NR2C2: variants seen among roughly 807,000 people sequenced by gnomAD.
NR2C2 encodes Nuclear hormone receptor TR4.
Under a neutral mutation model 62.9 loss-of-function variants are expected in NR2C2, and 6 were observed. The observed-to-expected ratio is 0.10, with a 90% CI of 0.05 to 0.19. The LOEUF (loss-of-function observed/expected upper bound fraction) is 0.19, where lower values mean the gene tolerates loss of function less well. NR2C2 is among the 10% of genes least tolerant of loss of function. NR2C2 has a pLI of 1.00. For missense variants in NR2C2, 479 were observed against 762.7 expected (o/e 0.63, Z 4.38); for synonymous variants, 272 against 273.8 (o/e 0.99, Z 0.07).
At chr3:15,030,241 T>G in intron 8 of NR2C2, 34 bp from the exon 9 acceptor site, 1 of 1,576,142 alleles carries the variant, frequency 6.3e-7, no homozygotes, top group East Asian at 2.3e-5. Flanking sequence ...AGCTGTAGAT[T>G]CACAACAATT....
intron 1 of NR2C2, among the ~76,000 whole-genome samples, chr3:14,950,639 A>C (rs2039327396): frequency 6.8e-6 from 1 of 147,244 alleles, no homozygotes; most frequent in African/African-American, 2.5e-5. Context: ...TTTTCTTTAT[A>C]ATCTTTATCT....
At chr3:15,024,759 CTGTT>C (rs1375319350) in intron 7 of NR2C2, among the ~76,000 whole-genome samples, 4 of 152,220 alleles carry the variant, frequency 2.6e-5, no homozygotes, top group Non-Finnish European at 4.4e-5. Context: ...AGGGAACTCA[CTGTT>C]TGTCTCATCC....
At chr3:14,953,621 C>T (rs375208635) in intron 1 of NR2C2, among the ~76,000 whole-genome samples, 16 of 152,264 alleles carry the variant, frequency 1.1e-4, no homozygotes, top group African/African-American at 1.7e-4. Context: ...TATGGCCAGG[C>T]GTGGTGGCTC....
chr3:14,975,000 A>G (rs540256999), intron 1 of NR2C2, among the ~76,000 whole-genome samples: 4 of 152,202 alleles, frequency 2.6e-5, no homozygotes, highest in South Asian at 4.1e-4. Context: ...TTTTTATGGT[A>G]TTGTAAGTGG....
intron 4 of NR2C2, among the ~76,000 whole-genome samples, chr3:15,017,805 G>A (rs186916796): frequency 6.6e-6 from 1 of 152,346 alleles, no homozygotes; most frequent in Admixed American, 6.5e-5. Context: ...CTAGAGCTTA[G>A]AACAGTGGGA....
intron 1 of NR2C2, among the ~76,000 whole-genome samples, chr3:14,973,762 T>G (rs537179627): frequency 8.5e-5 from 13 of 152,266 alleles, no homozygotes; most frequent in South Asian, 4.1e-4. Flanking sequence ...TTTCTGGCTC[T>G]CTCTCCTTTT....
At chr3:15,005,791 T>C (rs1031175719) in intron 2 of NR2C2, among the ~76,000 whole-genome samples, 1 of 152,164 alleles carries the variant, frequency 6.6e-6, no homozygotes, top group African/African-American at 2.4e-5. Flanking sequence ...CCCATTTTTT[T>C]CCTACTTCCT....
At chr3:15,013,342 G>A (rs2041409153) in intron 2 of NR2C2, among the ~76,000 whole-genome samples, 1 of 152,180 alleles carries the variant, frequency 6.6e-6, no homozygotes, top group South Asian at 2.1e-4. Context: ...AAAAGAAAGG[G>A]CATTTTAATT....
intron 13 of NR2C2, among the ~76,000 whole-genome samples, chr3:15,039,674 GTACT>G (rs2042199450): frequency 6.6e-6 from 1 of 152,164 alleles, no homozygotes; most frequent in African/African-American, 2.4e-5. Context: ...CAGTGCTAGA[GTACT>G]TGACAGAAAA....
chr3:14,984,290 G>C (rs979891461), intron 1 of NR2C2, among the ~76,000 whole-genome samples: 1 of 152,134 alleles, frequency 6.6e-6, no homozygotes, highest in African/African-American at 2.4e-5. Context: ...ATTTTCACCA[G>C]AGTTGTTTTA....
In NR2C2 at chr3:15,020,808, T is replaced by C; in HGVS notation, c.432T>C (p.Ser144=). The C allele has an allele frequency of 6.2e-7, 1 of 1,613,868 alleles. No individual in the cohort carries two copies. ...CEGCKGFFKR[S]VRKNLTYSCR... ...GTTGCAAAGGTTTCTTCAAAAGGAG[T>C]GTGAGGAAAAATTTGACCTACAGCT... Residue 144 remains serine (S), a synonymous_variant, in exon 5 of 14, where the codon AGT becomes AGC. Coordinates refer to ENST00000425241, the MANE Select transcript of NR2C2 (RefSeq NM_001291694.2).
chr3:14,973,826 G>A (rs9942108), intron 1 of NR2C2, among the ~76,000 whole-genome samples: 11,285 of 151,774 alleles, frequency 0.074, 448 homozygotes, highest in Middle Eastern at 0.099. Context: ...TCTCTTAACC[G>A]TTTTTAAGTA....
chr3:15,016,099 G>T, intron 3 of NR2C2, 53 bp from the exon 4 acceptor site: 1 of 1,388,026 alleles, frequency 7.2e-7, no homozygotes, highest in Non-Finnish European at 1.0e-6. Flanking sequence ...ACCGTGCCCG[G>T]CAGTGATTTG....
At position 14,976,198 on chromosome 3, in the gene NR2C2, T is replaced by C. The variant is rs185365198; in HGVS notation, c.-39-27678T>C. 8.6e-4 allele frequency among the ~76,000 whole-genome samples: 131 copies of C among 152,346 alleles called. 2 individuals carry two copies. Among genetic ancestry groups the C allele is most frequent in the African/African-American group, 3.1e-3 (127 of 41,576 alleles). On this transcript the variant is annotated intron_variant, in intron 1 of 13. Coordinates refer to ENST00000425241, the MANE Select transcript of NR2C2 (RefSeq NM_001291694.2). ...TTCATAGTACTAGTTTATAATCTTT[T>C]CTTATTTCTGTTAACATTTGTAATA...
At position 15,048,970 on chromosome 3, in the gene NR2C2, A is replaced by G. The variant is rs1431363731; in HGVS notation, c.*5962A>G. 6.6e-6 allele frequency: 1 copy of G among 152,662 alleles called. No individual in the cohort carries two copies. The highest frequency in any genetic ancestry group is 1.5e-5 in the Non-Finnish European group (1 of 68,050). The allele number at this position is 152,662 out of a possible 1,614,324, so 9.5% of individuals were successfully genotyped here. On this transcript the variant is annotated 3_prime_UTR_variant, in exon 14 of 14. Transcript: ENST00000425241. ...ATATTGGTTTTGCCATTACATTTTAATGCCAGGTTTAAAACCTGTTGAAAG... is the reference window on the plus strand; with the variant it reads ...ATATTGGTTTTGCCATTACATTTTAGTGCCAGGTTTAAAACCTGTTGAAAG...
Position 15,045,813 on chromosome 3 carries a change from T to C in NR2C2, c.*2805T>C, listed in dbSNP as rs1248722062. 6.6e-6 allele frequency: 1 copy of C among 152,486 alleles called. No individual in the cohort carries two copies. The highest frequency in any genetic ancestry group is 2.4e-5 in the African/African-American group (1 of 41,466). 9.4% of individuals were successfully genotyped at this position (152,486 alleles called of 1,614,324 possible). A position where few individuals can be genotyped will look rare whatever the true frequency, so the allele number is the denominator to read the frequency against. On this transcript the variant is annotated 3_prime_UTR_variant, in exon 14 of 14. Transcript: ENST00000425241. ...CCTGTCCTCTGGCTACTGAACTCCA[T>C]GGAGCCACGTTCATGCTCCCTCTTC... is the stretch of plus-strand genomic sequence containing the variant.
At chr3:15,040,166 CAAAA>C (rs71268412) in intron 13 of NR2C2, among the ~76,000 whole-genome samples, 1 of 138,714 alleles carries the variant, frequency 7.2e-6, no homozygotes, top group Non-Finnish European at 1.6e-5. Context: ...TCTCAAAAAA[CAAAA>C]AAAAAAACAA....
At chr3:14,962,843 A>G (rs1344506919) in intron 1 of NR2C2, among the ~76,000 whole-genome samples, 2 of 152,156 alleles carry the variant, frequency 1.3e-5, no homozygotes, top group African/African-American at 4.8e-5. Flanking sequence ...GGAATAGTAG[A>G]AGACGTGATT....
chr3:14,953,424 G>A (rs561813791), intron 1 of NR2C2, among the ~76,000 whole-genome samples: 3 of 152,160 alleles, frequency 2.0e-5, no homozygotes, highest in African/African-American at 4.8e-5. Flanking sequence ...GGAAAATGGG[G>A]TGACTGCTGC....
Sources: gnomAD v4.1 joint callset for allele counts (sites outside exome capture counted in the v4.1 genomes callset) on GRCh38, gnomAD v4.1.1 for gene constraint, MANE v1.5 for transcripts, NCBI Gene and HGNC (gene_info 2026-07-23, HGNC 2026-07-21) for gene names.